IL26: variants seen among roughly 807,000 people sequenced by gnomAD.
IL26 encodes interleukin 26, also known as interleukin-26.
In IL26, 23 loss-of-function variants were observed where a neutral mutation model predicts 21.7. The observed-to-expected ratio is 1.06, with a 90% CI of 0.76 to 1.50. The LOEUF (loss-of-function observed/expected upper bound fraction) is 1.50, where lower values mean the gene tolerates loss of function less well. Ranked by LOEUF, IL26 falls within the 40% of genes most tolerant of loss-of-function variation. The pLI, the probability that IL26 is intolerant of heterozygous loss-of-function variation, is 0.00. For synonymous variants in IL26, 63 were observed against 67.8 expected, an observed-to-expected ratio of 0.93 and a Z score of 0.34; for missense variants, 204 against 196.0, an observed-to-expected ratio of 1.04 and a Z score of -0.24.
chr12:68,201,985 A>T (rs1868401912), intron 4 of IL26, 33 bp downstream of exon 4: 17 of 1,540,152 alleles, frequency 1.1e-5, no homozygotes, highest in Non-Finnish European at 1.5e-5. Flanking sequence ...TTAAAAAACA[A>T]AGTTTTTTAA....
At chr12:68,209,943 C>A (rs1364936077) in intron 3 of IL26, among the ~76,000 whole-genome samples, 1 of 152,036 alleles carries the variant, frequency 6.6e-6, no homozygotes, top group Non-Finnish European at 1.5e-5. Flanking sequence ...AAGTGAAAAA[C>A]CATACATAAG....
At chr12:68,207,238 C>T (rs1274209369) in intron 3 of IL26, among the ~76,000 whole-genome samples, 2 of 152,208 alleles carry the variant, frequency 1.3e-5, no homozygotes, top group Non-Finnish European at 2.9e-5. Context: ...GCATACCTCA[C>T]TCTGTGGTAC....
At position 68,217,037 on chromosome 12, in the gene IL26, C is replaced by T. The variant is rs368927567; in HGVS notation, c.363+8112G>A. Among the ~76,000 whole-genome samples, 6 of 150,368 alleles carry T rather than the reference C, an allele frequency of 4.0e-5. 1 individual carries two copies. In the East Asian group the frequency reaches 1.2e-3, roughly 29 times the overall value. On this transcript the variant is annotated intron_variant, in intron 3 of 4. Coordinates refer to ENST00000229134, the MANE Select transcript of IL26 (RefSeq NM_018402.2). ...ATGTCTTCTTACATAAACAATTTTC[C>T]AAATATTATGGCTAGGAAAGAGTAT...
At chr12:68,224,875 T>C (rs536912695) in intron 3 of IL26, among the ~76,000 whole-genome samples, 18 of 152,318 alleles carry the variant, frequency 1.2e-4, no homozygotes, top group Middle Eastern at 3.4e-3. Context: ...GAGAGAATGA[T>C]TTTAAAGTAT....
At chr12:68,223,269 T>G (rs1203140795) in intron 3 of IL26, among the ~76,000 whole-genome samples, 1 of 152,120 alleles carries the variant, frequency 6.6e-6, no homozygotes, top group African/African-American at 2.4e-5. Flanking sequence ...CGGAGTTACG[T>G]GTTGCCTAGC....
chr12:68,216,221 G>A (rs11571018), intron 3 of IL26, among the ~76,000 whole-genome samples: 2,214 of 152,002 alleles, frequency 0.015, 42 homozygotes, highest in African/African-American at 0.05. Flanking sequence ...AACCCAGGAG[G>A]TGGAGGTTGC....
intron 3 of IL26, among the ~76,000 whole-genome samples, chr12:68,206,515 C>A (rs1373912436): frequency 2.6e-5 from 4 of 152,114 alleles, no homozygotes; most frequent in African/African-American, 9.7e-5. Flanking sequence ...ACCAATGGAA[C>A]CAATCCATAA....
At chr12:68,214,884 G>GT (rs35904332) in intron 3 of IL26, among the ~76,000 whole-genome samples, 2,387 of 144,368 alleles carry the variant, frequency 0.017, 51 homozygotes, top group African/African-American at 0.055. Context: ...CCTGTTTTAT[G>GT]TTTTTTTTTT....
Position 68,201,640 on chromosome 12 carries a change from G to C in IL26, c.*205C>G, listed in dbSNP as rs1868392459. On this transcript the variant is annotated 3_prime_UTR_variant, in exon 5 of 5. Transcript: ENST00000229134. ...CATGTTCAGAATGGAAACATTATTT[G>C]AAAACACAGAAAATGTGCAAATTAG... The C allele has an allele frequency of 1.9e-5, 8 of 416,284 alleles. No homozygotes were observed. The South Asian group carries it at 4.4e-4, about 23-fold the overall frequency. 25.8% of individuals were successfully genotyped at this position (416,284 alleles called of 1,614,324 possible). A position where few individuals can be genotyped will look rare whatever the true frequency, so the allele number is the denominator to read the frequency against.
intron 3 of IL26, among the ~76,000 whole-genome samples, chr12:68,220,894 C>G (rs2120470351): frequency 6.6e-6 from 1 of 152,370 alleles, no homozygotes; most frequent in South Asian, 2.1e-4. Context: ...ATCTCGGCCT[C>G]CCAAAGTGCT....
intron 3 of IL26, among the ~76,000 whole-genome samples, chr12:68,203,384 T>G (rs1868441493): frequency 6.6e-6 from 1 of 152,222 alleles, no homozygotes; most frequent in Non-Finnish European, 1.5e-5. Flanking sequence ...AGCACTGGAA[T>G]AGACCAAGGA....
At chr12:68,221,832 TC>T (rs1325961439) in intron 3 of IL26, among the ~76,000 whole-genome samples, 7 of 152,192 alleles carry the variant, frequency 4.6e-5, no homozygotes, top group Admixed American at 4.6e-4. Flanking sequence ...ACATAAGTAT[TC>T]CATCATTGGA....
intron 3 of IL26, among the ~76,000 whole-genome samples, chr12:68,222,275 T>C (rs1869074734): frequency 6.6e-6 from 1 of 152,250 alleles, no homozygotes; most frequent in South Asian, 2.1e-4. Context: ...ATCAATATCA[T>C]ATGTTTTGCT....
chr12:68,213,124 A>G (rs1868780766), intron 3 of IL26, among the ~76,000 whole-genome samples: 1 of 151,860 alleles, frequency 6.6e-6, no homozygotes. Context: ...TACTTTTTCA[A>G]TATCTATTGA....
At chr12:68,207,058 T>C (rs773143512) in intron 3 of IL26, among the ~76,000 whole-genome samples, 1 of 152,228 alleles carries the variant, frequency 6.6e-6, no homozygotes, top group Non-Finnish European at 1.5e-5. Context: ...CTTTTAGCAG[T>C]CCTACACCCA....
At chr12:68,208,900 C>T (rs902340061) in intron 3 of IL26, among the ~76,000 whole-genome samples, 1 of 152,174 alleles carries the variant, frequency 6.6e-6, no homozygotes, top group Admixed American at 6.5e-5. Flanking sequence ...AAATAATAAA[C>T]ATTTGCTGAA....
At chr12:68,202,805 C>T (rs922080513) in intron 3 of IL26, among the ~76,000 whole-genome samples, 12 of 151,948 alleles carry the variant, frequency 7.9e-5, no homozygotes, top group Non-Finnish European at 1.5e-4. Context: ...AAGGCACAGG[C>T]TATATGAGAA....
At chr12:68,209,508 A>T (rs1333332631) in intron 3 of IL26, among the ~76,000 whole-genome samples, 1 of 152,170 alleles carries the variant, frequency 6.6e-6, no homozygotes, top group Non-Finnish European at 1.5e-5. Flanking sequence ...CACATTCCAG[A>T]GGCCACGAGG....
At chr12:68,205,272 G>C (rs11571052) in intron 3 of IL26, among the ~76,000 whole-genome samples, 3 of 151,710 alleles carry the variant, frequency 2.0e-5, no homozygotes, top group African/African-American at 7.3e-5. Flanking sequence ...GCTGGATAAC[G>C]TTAGGTGCAC....
Sources: gnomAD v4.1 joint callset for allele counts (sites outside exome capture counted in the v4.1 genomes callset) on GRCh38, gnomAD v4.1.1 for gene constraint, MANE v1.5 for transcripts, NCBI Gene and HGNC (gene_info 2026-07-23, HGNC 2026-07-21) for gene names.